SRBD1: variants seen among roughly 807,000 people sequenced by gnomAD.
SRBD1 encodes the protein S1 RNA binding domain 1, also known as S1 RNA-binding domain-containing protein 1.
SRBD1 carries 88 observed loss-of-function variants against 115.3 expected under a neutral mutation model. The observed-to-expected ratio is 0.76, with a 90% CI of 0.64 to 0.91. SRBD1 has a LOEUF of 0.91. Ranked by LOEUF, SRBD1 falls within the 40% of genes least tolerant of loss-of-function variation. The pLI is 0.00. For missense variants in SRBD1, 1,385 were observed against 1,177.4 expected, an observed-to-expected ratio of 1.18 and a Z score of -2.58; for synonymous variants, 509 against 407.7, an observed-to-expected ratio of 1.25 and a Z score of -2.99.
At chr2:45,421,454 C>T (rs1230492064) in intron 16 of SRBD1, among the ~76,000 whole-genome samples, 2 of 120,974 alleles carry the variant, frequency 1.7e-5, no homozygotes, top group Admixed American at 1.2e-4. Flanking sequence ...TTGCAGTGAG[C>T]GTAGATCGTG....
chr2:45,468,958 T>C (rs1480893645), intron 16 of SRBD1, among the ~76,000 whole-genome samples: 1 of 152,198 alleles, frequency 6.6e-6, no homozygotes, highest in East Asian at 1.9e-4. Context: ...TTTCCTCCAT[T>C]CATGGTAAGA....
intron 19 of SRBD1, among the ~76,000 whole-genome samples, chr2:45,401,926 C>A (rs141870480): frequency 6.6e-6 from 1 of 152,210 alleles, no homozygotes; most frequent in Non-Finnish European, 1.5e-5. Flanking sequence ...GCAGTAAGCT[C>A]CGGTTGGAGG....
chr2:45,407,738 A>G (rs1050815694), intron 19 of SRBD1, among the ~76,000 whole-genome samples: 2 of 152,200 alleles, frequency 1.3e-5, no homozygotes, highest in Non-Finnish European at 1.5e-5. Context: ...GTTTTAGTTC[A>G]TAACAACTAG....
chr2:45,500,357 A>C (rs1309961137), intron 14 of SRBD1, among the ~76,000 whole-genome samples: 1 of 151,068 alleles, frequency 6.6e-6, no homozygotes, highest in African/African-American at 2.4e-5. Flanking sequence ...GTGTGTGTGT[A>C]GCTATTATAA....
At chr2:45,536,823 A>C (rs1558462034) in intron 14 of SRBD1, among the ~76,000 whole-genome samples, 1 of 152,174 alleles carries the variant, frequency 6.6e-6, no homozygotes, top group Non-Finnish European at 1.5e-5. Context: ...CTAACTTCTC[A>C]GTAAAGACTC....
At chr2:45,414,818 AGT>A (rs1163945949) in intron 18 of SRBD1, among the ~76,000 whole-genome samples, 1 of 142,848 alleles carries the variant, frequency 7.0e-6, no homozygotes, top group African/African-American at 2.7e-5. Context: ...ACACACATAT[AGT>A]GTGTATATAG....
chr2:45,523,569 C>T lies in SRBD1; in HGVS notation c.1874+23163G>A, dbSNP rs561706624. On this transcript the variant is annotated intron_variant, in intron 14 of 20. Transcript: ENST00000263736. ...ATTATTATAAGAACAACTGTGTATGCCAATATATTAGATAACAAAGATGCA... is the reference window on the plus strand; with the variant it reads ...ATTATTATAAGAACAACTGTGTATGTCAATATATTAGATAACAAAGATGCA... Among the ~76,000 whole-genome samples the T allele has an allele frequency of 3.3e-5, 5 of 151,660 alleles. No individual in the cohort carries two copies. In the East Asian group the frequency reaches 9.7e-4, roughly 29 times the overall value.
At chr2:45,572,426 G>C (rs1417361411) in intron 9 of SRBD1, among the ~76,000 whole-genome samples, 1 of 151,940 alleles carries the variant, frequency 6.6e-6, no homozygotes, top group Non-Finnish European at 1.5e-5. Flanking sequence ...GGTTATGATG[G>C]TACATTTTAT....
At position 45,488,231 on chromosome 2, in the gene SRBD1, G is replaced by A. The variant is rs200768534; in HGVS notation, c.1966+9C>T. The A allele has an allele frequency of 7.1e-5, 114 of 1,611,774 alleles. No homozygotes were observed. The highest frequency in any genetic ancestry group is 3.3e-4 in the Middle Eastern group (2 of 6,080). On this transcript the variant is annotated intron_variant, in intron 15 of 20. Coordinates refer to ENST00000263736, the MANE Select transcript of SRBD1 (RefSeq NM_018079.5). Reference sequence around the variant, plus strand: ...TCACATGTTTTTGTGATGGTCCATAGTTTCTTACCTGCACTTCTCAAATTA... The same window carrying A: ...TCACATGTTTTTGTGATGGTCCATAATTTCTTACCTGCACTTCTCAAATTA...
intron 16 of SRBD1, among the ~76,000 whole-genome samples, chr2:45,469,729 T>G (rs969543791): frequency 6.6e-5 from 10 of 152,220 alleles, no homozygotes; most frequent in Non-Finnish European, 1.3e-4. Context: ...GTTGGGTTCA[T>G]ACACCTAGTC....
At chr2:45,399,547 C>T (rs558123641) in intron 19 of SRBD1, among the ~76,000 whole-genome samples, 35 of 152,186 alleles carry the variant, frequency 2.3e-4, no homozygotes, top group Non-Finnish European at 4.3e-4. Flanking sequence ...TTGCCCACAC[C>T]TGACAACATA....
intron 15 of SRBD1, among the ~76,000 whole-genome samples, chr2:45,481,693 T>C (rs550735814): frequency 1.4e-4 from 10 of 70,564 alleles, no homozygotes; most frequent in South Asian, 3.9e-4. Context: ...TTATTCATAG[T>C]AGCCAAAAAT....
chr2:45,397,450 A>C (rs756936617), intron 19 of SRBD1, among the ~76,000 whole-genome samples: 1 of 152,218 alleles, frequency 6.6e-6, no homozygotes, highest in African/African-American at 2.4e-5. Flanking sequence ...CCTTTATGCT[A>C]TCTACAGAGG....
chr2:45,433,411 T>TA (rs1558390849), intron 16 of SRBD1, among the ~76,000 whole-genome samples: 1 of 151,532 alleles, frequency 6.6e-6, no homozygotes, highest in Non-Finnish European at 1.5e-5. Flanking sequence ...TTTGTCAAAT[T>TA]AAAAAAAATA....
At chr2:45,425,624 C>A (rs1009212814) in intron 16 of SRBD1, among the ~76,000 whole-genome samples, 3 of 151,988 alleles carry the variant, frequency 2.0e-5, no homozygotes, top group Non-Finnish European at 4.4e-5. Context: ...CCTGGCTCAT[C>A]TCATTGGGAC....
At chr2:45,451,453 C>T (rs1246545296) in intron 16 of SRBD1, among the ~76,000 whole-genome samples, 1 of 151,918 alleles carries the variant, frequency 6.6e-6, no homozygotes, top group Non-Finnish European at 1.5e-5. Context: ...ATACAATAAA[C>T]TGATATTAAA....
chr2:45,463,077 C>T (rs1669374585), intron 16 of SRBD1, among the ~76,000 whole-genome samples: 1 of 147,946 alleles, frequency 6.8e-6, no homozygotes, highest in Non-Finnish European at 1.5e-5. Flanking sequence ...AGACTTTTAT[C>T]ATTAGAATTC....
chr2:45,605,142 A>G (rs999040686), intron 2 of SRBD1, among the ~76,000 whole-genome samples: 4 of 152,208 alleles, frequency 2.6e-5, no homozygotes, highest in Admixed American at 1.3e-4. Flanking sequence ...ATTATGTTAC[A>G]TATTTAGTTG....
chr2:45,581,905 A>G (rs923178089), intron 5 of SRBD1, 95 bp from the exon 6 acceptor site: 1 of 917,182 alleles, frequency 1.1e-6, no homozygotes, highest in African/African-American at 1.7e-5. Flanking sequence ...CAGGTAAAGT[A>G]AAAGGAACTT....
Sources: gnomAD v4.1 joint callset for allele counts (sites outside exome capture counted in the v4.1 genomes callset) on GRCh38, gnomAD v4.1.1 for gene constraint, MANE v1.5 for transcripts, NCBI Gene and HGNC (gene_info 2026-07-23, HGNC 2026-07-21) for gene names.